GUCY1B1: variants seen among roughly 807,000 people sequenced by gnomAD.
GUCY1B1 encodes guanylate cyclase 1 soluble subunit beta 1.
GUCY1B1 carries 43 observed loss-of-function variants against 71.0 expected under a neutral mutation model. That is an observed-to-expected ratio of 0.61 (90% confidence interval 0.47 to 0.78). GUCY1B1 has a LOEUF of 0.78. Ranked by LOEUF, GUCY1B1 falls within the 30% of genes least tolerant of loss-of-function variation. The probability of loss-of-function intolerance (pLI) is 0.00; values close to 1 mark genes in which losing one functional copy is unlikely to be tolerated. For synonymous variants in GUCY1B1, 266 were observed against 259.7 expected, an observed-to-expected ratio of 1.02 and a Z score of -0.23; for missense variants, 535 against 754.1, an observed-to-expected ratio of 0.71 and a Z score of 3.40.
In GUCY1B1 at chr4:155,789,835, A is replaced by G. The variant is rs1561021628; in HGVS notation, c.419A>G (p.Glu140Gly). Residue 140 changes from glutamate to glycine, a missense_variant, in exon 5 of 14, where the codon GAA becomes GGA. Coordinates refer to ENST00000264424, the MANE Select transcript of GUCY1B1 (RefSeq NM_000857.5). The stretch of plus-strand genomic sequence containing the variant: ...ATTTTGCACTACTACTCAGAGAGAG[A>G]AGGACTTCAGGATATTGTCATTGGA... ...GLILHYYSER[E>G]GLQDIVIGII... 1.2e-6 allele frequency: 2 copies of G among 1,612,246 alleles called. No homozygotes were observed. The highest frequency in any genetic ancestry group is 1.7e-6 in the Non-Finnish European group (2 of 1,178,434).
chr4:155,799,667 G>C (rs922909256), intron 8 of GUCY1B1, among the ~76,000 whole-genome samples: 3 of 152,174 alleles, frequency 2.0e-5, no homozygotes, highest in African/African-American at 7.2e-5. Context: ...TGGCAAAAAT[G>C]CATCTCAAGT....
intron 5 of GUCY1B1, 133 bp downstream of exon 5, chr4:155,790,044 A>G (rs974525315): frequency 5.0e-6 from 3 of 600,408 alleles, no homozygotes; most frequent in Non-Finnish European, 5.8e-6. Flanking sequence ...AAAACAGTGG[A>G]AAGACCAGCA....
chr4:155,806,668 A>G lies in GUCY1B1; in HGVS notation c.*259A>G, dbSNP rs1740339742. On this transcript the variant is annotated 3_prime_UTR_variant, in exon 14 of 14. Coordinates refer to ENST00000264424, the MANE Select transcript of GUCY1B1 (RefSeq NM_000857.5). ...TGATGTGAGCTTCATGTGTCTTAAA[A>G]TCTACTACAAGCATTACCTAACATG... 3 of 397,918 alleles carry G rather than the reference A, an allele frequency of 7.5e-6. No individual in the cohort carries two copies. The South Asian group carries it at 2.3e-4, about 31-fold the overall frequency. The allele number at this position is 397,918 out of a possible 1,614,324, so 24.6% of individuals were successfully genotyped here. A position where few individuals can be genotyped will look rare whatever the true frequency, so the allele number is the denominator to read the frequency against.
chr4:155,789,987 C>G (rs965672705), intron 5 of GUCY1B1, 76 bp downstream of exon 5: 24 of 933,464 alleles, frequency 2.6e-5, no homozygotes, highest in Middle Eastern at 4.4e-4. Flanking sequence ...CTAAATTTAC[C>G]TGCAGTTATC....
At chr4:155,759,243 CTGG>C in intron 1 of GUCY1B1, 100 bp downstream of exon 1, 1 of 1,244,486 alleles carries the variant, frequency 8.0e-7, no homozygotes, top group Non-Finnish European at 1.1e-6. Context: ...CTCGGGGGCC[CTGG>C]GCGCTCACTG....
At chr4:155,801,452 A>G (rs1190562586) in intron 9 of GUCY1B1, among the ~76,000 whole-genome samples, 1 of 152,206 alleles carries the variant, frequency 6.6e-6, no homozygotes, top group African/African-American at 2.4e-5. Context: ...ATTCAAATAT[A>G]GCTTTAATAT....
At chr4:155,781,042 C>T (rs530436768) in intron 4 of GUCY1B1, among the ~76,000 whole-genome samples, 1 of 152,234 alleles carries the variant, frequency 6.6e-6, no homozygotes, top group African/African-American at 2.4e-5. Flanking sequence ...CTGTCCACAG[C>T]CTCTCAGTTA....
Position 155,802,261 on chromosome 4 carries a change from G to T in GUCY1B1, c.1176-81G>T. ...CCTTTAAAGTACAAACGACACTGAT[G>T]CTGTGTGAAAAGGACAGCAGAAGCA... is the stretch of plus-strand genomic sequence containing the variant. On this transcript the variant is annotated intron_variant, in intron 9 of 13. Transcript: ENST00000264424. The surrounding 1 kb of genome is among the most constrained non-coding windows in gnomAD (Gnocchi z 4.3). The T allele has an allele frequency of 6.3e-7, 1 of 1,583,094 alleles. No homozygotes were observed. The highest frequency in any genetic ancestry group is 8.6e-7 in the Non-Finnish European group (1 of 1,166,160).
chr4:155,759,916 C>T, intron 2 of GUCY1B1, 56 bp downstream of exon 2: 2 of 1,310,288 alleles, frequency 1.5e-6, no homozygotes, highest in Non-Finnish European at 2.2e-6. Flanking sequence ...GTGGGAGGCC[C>T]CCCGCGCCTC....
In GUCY1B1 at chr4:155,802,456, C is replaced by A. The variant is rs1270979862; in HGVS notation, c.1290C>A (p.Phe430Leu). ...TCCTCTTTAGTGGCATTGTGGGCTTCAATGCTTTCTGTAGCAAGCATGCAT... is the reference window on the plus strand; with the variant it reads ...TCCTCTTTAGTGGCATTGTGGGCTTAAATGCTTTCTGTAGCAAGCATGCAT... Reference protein sequence around the residue: ...VTILFSGIVGFNAFCSKHASG... With the variant: ...VTILFSGIVGLNAFCSKHASG... The change falls in exon 10 of 14, where the codon TTC (phenylalanine) becomes TTA (leucine). Residue 430 changes from phenylalanine to leucine, a missense_variant. Phe to Leu is a conservative substitution (Grantham distance 22). Transcript: ENST00000264424. The surrounding 1 kb of genome is among the most constrained non-coding windows in gnomAD (Gnocchi z 4.3). The A allele has an allele frequency of 1.2e-6, 2 of 1,613,748 alleles. No individual in the cohort carries two copies. The highest frequency in any genetic ancestry group is 1.7e-6 in the Non-Finnish European group (2 of 1,179,822).
At chr4:155,803,127 C>A (rs1740075581) in intron 10 of GUCY1B1, among the ~76,000 whole-genome samples, 1 of 152,102 alleles carries the variant, frequency 6.6e-6, no homozygotes, top group Non-Finnish European at 1.5e-5. Context: ...GTTAAGTAAA[C>A]CATCTCTAGA....
intron 4 of GUCY1B1, 88 bp downstream of exon 4, chr4:155,777,730 A>G: frequency 3.0e-6 from 2 of 665,296 alleles, no homozygotes; most frequent in Non-Finnish European, 2.7e-6. Flanking sequence ...ACTCAGCTGT[A>G]CAAGAGTGTC....
At chr4:155,765,909 C>T (rs1362116333) in intron 2 of GUCY1B1, among the ~76,000 whole-genome samples, 1 of 152,142 alleles carries the variant, frequency 6.6e-6, no homozygotes, top group Non-Finnish European at 1.5e-5. Flanking sequence ...GCAAATGTCA[C>T]TTCTTAAGGG....
chr4:155,778,832 T>C (rs1223419884), intron 4 of GUCY1B1, among the ~76,000 whole-genome samples: 1 of 152,214 alleles, frequency 6.6e-6, no homozygotes, highest in Non-Finnish European at 1.5e-5. Flanking sequence ...TGAATACATA[T>C]TTCACTTTTT....
chr4:155,795,495 A>T (rs778713438), intron 7 of GUCY1B1, 38 bp downstream of exon 7: 1 of 991,802 alleles, frequency 1.0e-6, no homozygotes, highest in Admixed American at 1.8e-5. Context: ...TGAGAAAGGT[A>T]TGTCACAAAT....
chr4:155,765,288 A>G (rs953753766), intron 2 of GUCY1B1, among the ~76,000 whole-genome samples: 4 of 152,160 alleles, frequency 2.6e-5, no homozygotes, highest in Non-Finnish European at 5.9e-5. Context: ...TTATGGGTTG[A>G]TGCTCTGCAG....
At chr4:155,790,536 A>G (rs1485097293) in intron 5 of GUCY1B1, among the ~76,000 whole-genome samples, 1 of 152,164 alleles carries the variant, frequency 6.6e-6, no homozygotes, top group African/African-American at 2.4e-5. Flanking sequence ...GTTTCTCTTT[A>G]CCTCTGGCCC....
chr4:155,762,381 C>T (rs1230109777), intron 2 of GUCY1B1, among the ~76,000 whole-genome samples: 1 of 151,960 alleles, frequency 6.6e-6, no homozygotes, highest in Admixed American at 6.6e-5. Flanking sequence ...TTCTTTTGGT[C>T]TTTGAGAAAC....
intron 2 of GUCY1B1, among the ~76,000 whole-genome samples, chr4:155,773,432 A>G (rs980653648): frequency 3.9e-5 from 6 of 152,148 alleles, no homozygotes; most frequent in African/African-American, 1.2e-4. Flanking sequence ...AACAATTATA[A>G]TTTTCTTTCA....
Sources: gnomAD v4.1 joint callset for allele counts (sites outside exome capture counted in the v4.1 genomes callset) on GRCh38, gnomAD v4.1.1 for gene constraint, Gnocchi (gnomAD v3.1) non-coding constraint, MANE v1.5 for transcripts, NCBI Gene and HGNC (gene_info 2026-07-23, HGNC 2026-07-21) for gene names.